Variants in IQCE observed in about 807,000 individuals in gnomAD.
The protein encoded by IQCE is IQ domain-containing protein E.
In IQCE, 115 loss-of-function variants were observed where a neutral mutation model predicts 96.0. The observed-to-expected ratio is 1.20, with a 90% CI of 1.03 to 1.40. The LOEUF is 1.40. Among genes scored for constraint, IQCE ranks in the 40% most tolerant of loss-of-function variants. IQCE has a pLI of 0.00. For missense variants in IQCE, 1,041 were observed against 909.1 expected, an observed-to-expected ratio of 1.15 and a Z score of -1.87; for synonymous variants, 412 against 371.2, an observed-to-expected ratio of 1.11 and a Z score of -1.26.
chr7:2,605,504 C>T (rs1337488121), intron 19 of IQCE, among the ~76,000 whole-genome samples: 1 of 152,214 alleles, frequency 6.6e-6, no homozygotes, highest in Middle Eastern at 3.4e-3. Context: ...CCCGCAGTCC[C>T]AGCTACTCAG....
intron 6 of IQCE, among the ~76,000 whole-genome samples, chr7:2,575,633 C>T (rs1284517629): frequency 3.3e-5 from 5 of 152,158 alleles, no homozygotes; most frequent in East Asian, 1.9e-4. Flanking sequence ...TGGTGTTTTC[C>T]GTGGTCTGCC....
intron 1 of IQCE, among the ~76,000 whole-genome samples, chr7:2,563,377 G>C (rs75068459): frequency 2.1e-5 from 1 of 48,536 alleles, no homozygotes; most frequent in Non-Finnish European, 3.3e-5. Flanking sequence ...ATTTTTTGTT[G>C]TGTGTGTGTG....
intron 15 of IQCE, 148 bp downstream of exon 15, chr7:2,593,274 C>A: frequency 1.5e-6 from 2 of 1,325,050 alleles, no homozygotes; most frequent in Non-Finnish European, 2.0e-6. Flanking sequence ...TTTTCTGTCA[C>A]CCAGCCCGGG....
rs374744886 is a variant in IQCE, at chr7:2,571,555, G to T, written c.160G>T (p.Val54Leu). 13 of 1,605,862 alleles carry T rather than the reference G, an allele frequency of 8.1e-6. No individual in the cohort carries two copies. The highest frequency in any genetic ancestry group is 4.5e-5 in the East Asian group (2 of 44,880). The part of the protein sequence containing the change: ...KSPYLSKPRK[V>L]ASWRSLRTAG... ...ACCTTATCTCTCTAAGCCGAGAAAA[G>T]TGGCCTCCTGGAGGTCCCTCAGGAC... is the stretch of plus-strand genomic sequence containing the variant. The change falls in exon 4 of 22, where the codon GTG becomes TTG. Residue 54 changes from valine to leucine, a missense_variant. Val to Leu is a conservative substitution (Grantham distance 32, BLOSUM62 1). Transcript: ENST00000402050.
In IQCE at chr7:2,614,115, C is replaced by T. The variant is rs1309047923; in HGVS notation, c.*3953C>T. 6.7e-6 allele frequency: 1 copy of T among 149,342 alleles called. No homozygotes were observed. The highest frequency in any genetic ancestry group is 1.5e-5 in the Non-Finnish European group (1 of 67,218). The allele number at this position is 149,342 out of a possible 1,614,324, so 9.3% of individuals were successfully genotyped here. ...TGATCCCTCCGATGGACCAGAAACC[C>T]CCTTCCTTGCAAAAAAAAGGCAATT... is the stretch of plus-strand genomic sequence containing the variant. On this transcript the variant is annotated 3_prime_UTR_variant, in exon 22 of 22. Transcript: ENST00000402050.
intron 16 of IQCE, among the ~76,000 whole-genome samples, chr7:2,595,264 G>A (rs991359714): frequency 1.4e-4 from 22 of 152,208 alleles, no homozygotes; most frequent in African/African-American, 5.3e-4. Flanking sequence ...TTATGCGGCC[G>A]GAGCTGTCAC....
rs755752357 is a variant in IQCE at position 2,572,257 on chromosome 7, G to C, written c.325G>C (p.Gly109Arg). The C allele has an allele frequency of 5.6e-6, 9 of 1,614,146 alleles. No individual in the cohort carries two copies. The Admixed American group carries it at 1.5e-4, about 27-fold the overall frequency. ...GCATGCGTGGACTGGCGTCCCCGGC[G>C]GCACTCCTGACTGTCTGACAGACAC... The part of the protein sequence containing the change: ...WEHAWTGVPG[G>R]TPDCLTDTFR... The change falls in exon 5 of 22, where the codon GGC becomes CGC. Residue 109 changes from glycine to arginine, a missense_variant. Gly to Arg is a moderately radical substitution (Grantham distance 125). Coordinates refer to ENST00000402050, the MANE Select transcript of IQCE (RefSeq NM_152558.5).
chr7:2,581,055 G>A (rs1046640572), intron 8 of IQCE, among the ~76,000 whole-genome samples: 1 of 151,998 alleles, frequency 6.6e-6, no homozygotes, highest in African/African-American at 2.4e-5. Context: ...GTGTTAGCCA[G>A]GATGGTCTCG....
chr7:2,593,850 A>G (rs1157105146), intron 15 of IQCE, among the ~76,000 whole-genome samples: 1 of 152,236 alleles, frequency 6.6e-6, no homozygotes, highest in East Asian at 1.9e-4. Context: ...TACCCTTTAA[A>G]ATAGTGAATT....
intron 16 of IQCE, among the ~76,000 whole-genome samples, chr7:2,595,974 C>T (rs144957344): frequency 1.3e-3 from 195 of 152,362 alleles, no homozygotes; most frequent in African/African-American, 4.2e-3. Flanking sequence ...GGTAGAAGGG[C>T]GTCCTCACAA....
At chr7:2,593,241 C>T in intron 15 of IQCE, 115 bp downstream of exon 15, 7 of 1,413,570 alleles carry the variant, frequency 5.0e-6, no homozygotes, top group Non-Finnish European at 5.7e-6. Flanking sequence ...AGAAAGGCCA[C>T]ACCTCCTCAC....
intron 4 of IQCE, 63 bp from the exon 5 acceptor site, chr7:2,572,129 A>G (rs1418532301): frequency 5.9e-6 from 9 of 1,525,992 alleles, no homozygotes; most frequent in Non-Finnish European, 7.1e-6. Flanking sequence ...GTTGATTAGA[A>G]ACAAAACCTC....
chr7:2,582,643 A>G lies in IQCE; in HGVS notation c.694A>G (p.Thr232Ala). The change falls in exon 9 of 22, where the codon ACC (threonine) becomes GCC (alanine). Residue 232 changes from threonine (T) to alanine (A), a missense_variant. By Grantham distance (58) the Thr-to-Ala change is moderately conservative. Transcript: ENST00000402050. ...ACAGCAGTGCAAGGAGAAGGACGGC[A>G]CCATCAGGTGGGCGCAGGGCTGCAC... is the stretch of plus-strand genomic sequence containing the variant. ...LEQQCKEKDG[T>A]ISKLQTDMKT... 6.2e-7 allele frequency: 1 copy of G among 1,613,852 alleles called. No homozygotes were observed. The highest frequency in any genetic ancestry group is 8.5e-7 in the Non-Finnish European group (1 of 1,179,848).
In IQCE at chr7:2,577,112, C is replaced by T. The variant is rs73291614; in HGVS notation, c.466-1130C>T. ...GCCCTCACGTGACATCCAGATTTCC[C>T]CCCACCCACCACACACAGAGCCCTG... On this transcript the variant is annotated intron_variant, in intron 6 of 21. Transcript: ENST00000402050. Among the ~76,000 whole-genome samples, 1,421 of 152,326 alleles carry T rather than the reference C, an allele frequency of 9.3e-3. 23 individuals carry two copies. The highest frequency in any genetic ancestry group is 0.032 in the African/African-American group (1,336 of 41,558).
intron 14 of IQCE, among the ~76,000 whole-genome samples, chr7:2,590,958 G>C (rs2128459276): frequency 6.6e-6 from 1 of 151,362 alleles, no homozygotes; most frequent in East Asian, 2.0e-4. Context: ...AGGAAATAAA[G>C]CATAAATGCT....
At chr7:2,568,614 G>A (rs907739263) in intron 2 of IQCE, among the ~76,000 whole-genome samples, 2 of 152,200 alleles carry the variant, frequency 1.3e-5, no homozygotes, top group Admixed American at 6.5e-5. Context: ...ACAGAGGTGC[G>A]CTGGGCTCCC....
intron 18 of IQCE, 104 bp from the exon 19 acceptor site, chr7:2,604,777 G>A (rs929925965): frequency 9.1e-5 from 68 of 751,326 alleles, no homozygotes; most frequent in Non-Finnish European, 1.4e-4. Context: ...AGGGAGTCAC[G>A]TTCCCTGCTG....
At chr7:2,580,441 C>T (rs1008738509) in intron 8 of IQCE, among the ~76,000 whole-genome samples, 2 of 152,112 alleles carry the variant, frequency 1.3e-5, no homozygotes, top group African/African-American at 4.8e-5. Context: ...GAAGCCCCAT[C>T]TGTACTAAAA....
In IQCE at chr7:2,610,964, A is replaced by C. The variant is rs1353935220; in HGVS notation, c.*802A>C. 3 of 152,186 alleles carry C rather than the reference A, an allele frequency of 2.0e-5. No homozygotes were observed. The highest frequency in any genetic ancestry group is 1.9e-4 in the East Asian group (1 of 5,160). 9.4% of individuals were successfully genotyped at this position (152,186 alleles called of 1,614,324 possible). On this transcript the variant is annotated 3_prime_UTR_variant, in exon 22 of 22. Coordinates refer to ENST00000402050, the MANE Select transcript of IQCE (RefSeq NM_152558.5). ...CGGGAGCCTTAGCCTGTGTGGGGCC[A>C]CCCGGGGAAGAGGAGGAGAGGAGGG...
Sources: allele counts gnomAD v4.1 joint callset (sites outside exome capture counted in the v4.1 genomes callset), GRCh38; gene constraint gnomAD v4.1.1; transcripts MANE v1.5; gene names NCBI Gene and HGNC (gene_info 2026-07-23, HGNC 2026-07-21).